Variants in DUS4L observed in about 807,000 individuals in gnomAD.
DUS4L encodes dihydrouridine synthase 4 like.
In DUS4L, 31 loss-of-function variants were observed where a neutral mutation model predicts 33.8. The ratio of observed to expected loss-of-function variants is 0.92; its 90% CI spans 0.69 to 1.24. The LOEUF (loss-of-function observed/expected upper bound fraction) is 1.24, where lower values mean the gene tolerates loss of function less well. Ranked by LOEUF, DUS4L falls within the 50% of genes most tolerant of loss-of-function variation. The pLI is 0.00. For missense variants in DUS4L, 368 were observed against 388.6 expected (o/e 0.95, Z 0.45); for synonymous variants, 103 against 120.3 (o/e 0.86, Z 0.94).
intron 7 of DUS4L, 36 bp from the exon 8 acceptor site, chr7:107,577,277 A>C: frequency 2.5e-6 from 4 of 1,606,348 alleles, no homozygotes; most frequent in Non-Finnish European, 3.4e-6. Flanking sequence ...AGGGGTTCTT[A>C]ATGTATGGAC....
At chr7:107,569,187 G>A (rs1438984179) in intron 3 of DUS4L, among the ~76,000 whole-genome samples, 3 of 152,154 alleles carry the variant, frequency 2.0e-5, no homozygotes, top group Non-Finnish European at 4.4e-5. Flanking sequence ...TGGGCAACAA[G>A]AGTAAAACTC....
At chr7:107,574,922 T>G (rs999318870) in intron 5 of DUS4L, 3 of 424,500 alleles carry the variant, frequency 7.1e-6, no homozygotes, top group Non-Finnish European at 1.3e-5. Flanking sequence ...TTCAAATATT[T>G]AAACCTGTTT....
In DUS4L at chr7:107,575,205, G is replaced by A. The variant is rs557218510; in HGVS notation, c.374G>A (p.Gly125Asp). ...GCPQRWAMAE[G>D]YGACLINKPE... The stretch of plus-strand genomic sequence containing the variant: ...TTACAAAGGTGGGCAATGGCAGAAG[G>A]TTATGGGGCTTGCTTAATAAACAAG... The change falls in exon 6 of 8, where the codon GGT becomes GAT. Residue 125 changes from glycine to aspartate, a missense_variant. Gly to Asp is a moderately conservative substitution (Grantham distance 94). Transcript: ENST00000265720. 25 of 1,609,390 alleles carry A rather than the reference G, an allele frequency of 1.6e-5. No homozygotes were observed. Among genetic ancestry groups the A allele is most frequent in the South Asian group, 6.7e-5 (6 of 89,872 alleles).
chr7:107,577,487 A>G lies in DUS4L; in HGVS notation c.881A>G (p.Glu294Gly), dbSNP rs1171423959. 1.2e-6 allele frequency: 2 copies of G among 1,614,136 alleles called. No individual in the cohort carries two copies. The change falls in exon 8 of 8, where the codon GAA becomes GGA. Residue 294 changes from glutamate to glycine, a missense_variant. By Grantham distance (98) the Glu-to-Gly change is moderately conservative. Coordinates refer to ENST00000265720, the MANE Select transcript of DUS4L (RefSeq NM_181581.3). ...ATGGAAAAGATAACTTCAAGGCAGG[A>G]AAAAAGGGTATTTAATGCTCTGTCA... ...YMMEKITSRQ[E>G]KRVFNALSST...
chr7:107,571,789 C>T (rs935998293), intron 4 of DUS4L, among the ~76,000 whole-genome samples: 3 of 152,162 alleles, frequency 2.0e-5, no homozygotes, highest in African/African-American at 4.8e-5. Context: ...AAAATTTCAG[C>T]ACCTAAAGAT....
intron 7 of DUS4L, chr7:107,577,089 C>G (rs997179372): frequency 9.3e-6 from 5 of 537,466 alleles, no homozygotes; most frequent in Admixed American, 7.2e-5. Flanking sequence ...ATGTAGAAAT[C>G]TTTAAAAAAT....
intron 3 of DUS4L, 146 bp from the exon 4 acceptor site, chr7:107,570,999 T>G (rs796576703): frequency 2.9e-6 from 3 of 1,040,866 alleles, no homozygotes; most frequent in Non-Finnish European, 4.1e-6. Flanking sequence ...CCAAGGTTTT[T>G]AGTAATACTT....
intron 7 of DUS4L, 41 bp downstream of exon 7, chr7:107,576,633 A>G: frequency 6.7e-7 from 1 of 1,493,366 alleles, no homozygotes; most frequent in South Asian, 1.3e-5. Flanking sequence ...TGGGGGGGGA[A>G]GAAATGAGAG....
At chr7:107,576,739 T>C in intron 7 of DUS4L, 147 bp downstream of exon 7, 1 of 726,726 alleles carries the variant, frequency 1.4e-6, no homozygotes. Context: ...TTTATTAAAA[T>C]GATGTTAAGT....
intron 3 of DUS4L, among the ~76,000 whole-genome samples, chr7:107,569,318 CCA>C (rs1439313682): frequency 7.9e-5 from 12 of 152,226 alleles, no homozygotes; most frequent in African/African-American, 4.8e-5. Flanking sequence ...CCCACCAATA[CCA>C]CACAGTTTTA....
intron 7 of DUS4L, 41 bp downstream of exon 7, chr7:107,576,633 A>T: frequency 6.7e-7 from 1 of 1,493,366 alleles, no homozygotes; most frequent in South Asian, 1.3e-5. Flanking sequence ...TGGGGGGGGA[A>T]GAAATGAGAG....
At position 107,577,588 on chromosome 7, in the gene DUS4L, T is replaced by C. The variant is rs711442; in HGVS notation, c.*28T>C. On this transcript the variant is annotated 3_prime_UTR_variant, in exon 8 of 8. Transcript: ENST00000265720. ...AGACTTCCCAAATAATTTTAATATA[T>C]ACTTTTAGACCCACAGTGAAACCAC... 0.44 allele frequency: 709,584 copies of C among 1,598,162 alleles called. 164,821 individuals carry two copies. Among genetic ancestry groups the C allele is most frequent in the South Asian group, 0.64 (57,423 of 89,720 alleles).
At chr7:107,576,963 G>T (rs1439165894) in intron 7 of DUS4L, 2 of 281,084 alleles carry the variant, frequency 7.1e-6, no homozygotes, top group East Asian at 1.5e-4. Flanking sequence ...TTAAATTATT[G>T]GCATGCCAAG....
intron 7 of DUS4L, chr7:107,576,810 G>C: frequency 2.1e-6 from 1 of 475,190 alleles, no homozygotes; most frequent in Non-Finnish European, 3.6e-6. Context: ...TTACTTTTCT[G>C]ACACCATCAT....
chr7:107,564,947 C>T (rs549659679), intron 2 of DUS4L, among the ~76,000 whole-genome samples: 7 of 152,308 alleles, frequency 4.6e-5, no homozygotes, highest in Admixed American at 2.0e-4. Context: ...CTGTGCTTAT[C>T]GCTGTTCTAA....
intron 2 of DUS4L, among the ~76,000 whole-genome samples, chr7:107,565,641 A>G (rs1458947219): frequency 1.3e-5 from 2 of 152,132 alleles, no homozygotes; most frequent in Non-Finnish European, 2.9e-5. Context: ...CTCCTGCCCA[A>G]GCTTCTGGAG....
At chr7:107,573,391 T>C (rs1166102188) in intron 4 of DUS4L, among the ~76,000 whole-genome samples, 2 of 152,212 alleles carry the variant, frequency 1.3e-5, no homozygotes, top group Non-Finnish European at 2.9e-5. Context: ...TTGTTTAAAT[T>C]TTACAGGTAT....
At position 107,577,505 on chromosome 7, in the gene DUS4L, C is replaced by T. The variant is rs184033937; in HGVS notation, c.899C>T (p.Ala300Val). 7.4e-6 allele frequency: 12 copies of T among 1,614,072 alleles called. No individual in the cohort carries two copies. The highest frequency in any genetic ancestry group is 1.0e-5 in the Non-Finnish European group (12 of 1,179,978). Residue 300 changes from alanine to valine, a missense_variant, in exon 8 of 8, where the codon GCT becomes GTT. By Grantham distance (64) the Ala-to-Val change is moderately conservative (BLOSUM62 0). Coordinates refer to ENST00000265720, the MANE Select transcript of DUS4L (RefSeq NM_181581.3). ...AGGCAGGAAAAAAGGGTATTTAATGCTCTGTCAAGCACATCAGCAATCATA... is the reference window on the plus strand; with the variant it reads ...AGGCAGGAAAAAAGGGTATTTAATGTTCTGTCAAGCACATCAGCAATCATA... ...TSRQEKRVFNALSSTSAIIDY... is the reference protein window; with the variant it reads ...TSRQEKRVFNVLSSTSAIIDY...
In DUS4L at chr7:107,577,365, T is replaced by G; in HGVS notation, c.759T>G (p.Tyr253Ter). ...LLANPAMFAGYEETPLKCIWD... is the reference protein window; with the variant it reads ...LLANPAMFAG ...CAAACCCGGCCATGTTTGCTGGATATGAGGAAACCCCACTGAAATGCATCT... is the reference window on the plus strand; with the variant it reads ...CAAACCCGGCCATGTTTGCTGGATAGGAGGAAACCCCACTGAAATGCATCT... Residue 253 changes from tyrosine (Y) to a stop codon, truncating the protein, a stop_gained, in exon 8 of 8, where the codon TAT (tyrosine) becomes TAG (stop). Transcript: ENST00000265720. LOFTEE classifies it high-confidence loss of function. The G allele has an allele frequency of 6.2e-7, 1 of 1,614,154 alleles. No homozygotes were observed. The highest frequency in any genetic ancestry group is 8.5e-7 in the Non-Finnish European group (1 of 1,180,010).
Sources: allele counts gnomAD v4.1 joint callset (sites outside exome capture counted in the v4.1 genomes callset), GRCh38; gene constraint gnomAD v4.1.1; transcripts MANE v1.5; gene names NCBI Gene and HGNC (gene_info 2026-07-23, HGNC 2026-07-21).